Variants in WNK3 observed in about 807,000 individuals in gnomAD.
The protein encoded by WNK3 is WNK lysine deficient protein kinase 3, also known as serine/threonine-protein kinase WNK3.
In WNK3, 18 loss-of-function variants were observed where a neutral mutation model predicts 116.7. The ratio of observed to expected loss-of-function variants is 0.15; its 90% CI spans 0.11 to 0.23. The LOEUF is 0.23. Ranked by LOEUF, WNK3 falls within the 10% of genes least tolerant of loss-of-function variation. The pLI is 1.00. For synonymous variants in WNK3, 404 were observed against 469.4 expected, an observed-to-expected ratio of 0.86 and a Z score of 1.80; for missense variants, 993 against 1,323.8, an observed-to-expected ratio of 0.75 and a Z score of 3.88.
chrX:54,214,836 C>T (rs1005282540), intron 22 of WNK3, among the ~76,000 whole-genome samples: 1 of 111,047 alleles, frequency 9.0e-6, no homozygotes, highest in Non-Finnish European at 1.9e-5. Context: ...CACGGTGAGA[C>T]CCCTGTCTCT....
At chrX:54,226,850 AAAAC>A (rs1164509411) in intron 22 of WNK3, among the ~76,000 whole-genome samples, 2 of 111,891 alleles carry the variant, frequency 1.8e-5, no homozygotes, top group Non-Finnish European at 3.8e-5. Flanking sequence ...AAAACGAAAC[AAAAC>A]AAACAAACAA....
chrX:54,259,918 G>GTGAT (rs1479203998), intron 10 of WNK3, among the ~76,000 whole-genome samples: 2 of 112,082 alleles, frequency 1.8e-5, no homozygotes, highest in African/African-American at 6.5e-5. Flanking sequence ...ACTGCCACTA[G>GTGAT]TGATAGCAGA....
At chrX:54,212,033 T>G (rs2067621693) in intron 22 of WNK3, among the ~76,000 whole-genome samples, 1 of 111,199 alleles carries the variant, frequency 9.0e-6, no homozygotes, top group Admixed American at 9.6e-5. Context: ...GAGACCATCC[T>G]GGCTAACACA....
At chrX:54,222,915 A>AATAAATATATAT (rs1491230973) in intron 22 of WNK3, among the ~76,000 whole-genome samples, 1 of 81,040 alleles carries the variant, frequency 1.2e-5, no homozygotes, top group African/African-American at 5.8e-5. Context: ...TAATAATAAT[A>AATAAATATATAT]ATATATATAT....
At chrX:54,346,115 CACATATGTGTGTGTATATATATAT>C (rs1157428266) in intron 1 of WNK3, among the ~76,000 whole-genome samples, 6 of 18,185 alleles carry the variant, frequency 3.3e-4, no homozygotes, top group African/African-American at 1.3e-3. Flanking sequence ...TATACACACA[CACATATGTGTGTGTATATATATAT>C]ATATGTTGTG....
chrX:54,354,720 T>C (rs1411362405), intron 1 of WNK3, among the ~76,000 whole-genome samples: 2 of 111,538 alleles, frequency 1.8e-5, no homozygotes, highest in African/African-American at 6.5e-5. Context: ...TAAAAATCAG[T>C]TAAATATGCT....
chrX:54,275,433 G>A (rs1357005938), intron 10 of WNK3, among the ~76,000 whole-genome samples: 4 of 99,781 alleles, frequency 4.0e-5, no homozygotes, highest in African/African-American at 1.5e-4. Flanking sequence ...GTGTGTGTGT[G>A]TGTGTGTGTG....
In WNK3 at chrX:54,208,939, C is replaced by T. The variant is rs142695476; in HGVS notation, c.4871-6746G>A. 4.5e-3 allele frequency among the ~76,000 whole-genome samples: 498 copies of T among 111,641 alleles called. 3 individuals are homozygous for T. The highest frequency in any genetic ancestry group is 0.015 in the African/African-American group (467 of 30,742). ...TGTACACATTTCTACCCAGGAAAGCCCATTAGAGACTTAGTGACCATGGTT... is the reference window on the plus strand; with the variant it reads ...TGTACACATTTCTACCCAGGAAAGCTCATTAGAGACTTAGTGACCATGGTT... On this transcript the variant is annotated intron_variant, in intron 22 of 23. Transcript: ENST00000354646.
chrX:54,345,785 CAAAAA>C (rs372848363), intron 1 of WNK3, among the ~76,000 whole-genome samples: 2 of 40,460 alleles, frequency 4.9e-5, no homozygotes, highest in Admixed American at 3.3e-4. Flanking sequence ...GACTCAGTAT[CAAAAA>C]AAAAAAAAAA....
chrX:54,266,167 T>C (rs782552489), intron 10 of WNK3, among the ~76,000 whole-genome samples: 116 of 112,227 alleles, frequency 1.0e-3, no homozygotes, highest in African/African-American at 3.4e-3. Flanking sequence ...GAGGTCATTA[T>C]ATGAAGTGAA....
intron 22 of WNK3, among the ~76,000 whole-genome samples, chrX:54,206,675 T>A (rs1479802863): frequency 2.7e-5 from 3 of 112,117 alleles, no homozygotes; most frequent in Non-Finnish European, 5.6e-5. Flanking sequence ...ATGATTGCAG[T>A]GATCTAAATG....
At chrX:54,329,088 C>T (rs923601214) in intron 2 of WNK3, among the ~76,000 whole-genome samples, 4 of 111,997 alleles carry the variant, frequency 3.6e-5, no homozygotes, top group African/African-American at 1.3e-4. Context: ...TAAAGGAATG[C>T]CTACTGTGTT....
chrX:54,291,478 AT>A (rs2068640118), intron 10 of WNK3, among the ~76,000 whole-genome samples: 1 of 112,096 alleles, frequency 8.9e-6, no homozygotes, highest in Non-Finnish European at 1.9e-5. Flanking sequence ...TTTGGAACAC[AT>A]TTTAAAATAC....
chrX:54,242,477 A>T (rs966193305), intron 17 of WNK3, among the ~76,000 whole-genome samples: 1 of 112,360 alleles, frequency 8.9e-6, no homozygotes, highest in South Asian at 3.7e-4. Context: ...AAAAATATTT[A>T]AAAAGAACAA....
At chrX:54,200,379 G>A (rs1274404642) in intron 23 of WNK3, among the ~76,000 whole-genome samples, 1 of 111,221 alleles carries the variant, frequency 9.0e-6, no homozygotes, top group Non-Finnish European at 1.9e-5. Context: ...TACAATGTAA[G>A]AGCATTAGTG....
In WNK3 at chrX:54,304,540, C is replaced by CAA. The variant is rs782215941; in HGVS notation, c.1090-2683_1090-2682dup. Among the ~76,000 whole-genome samples the CAA allele has an allele frequency of 9.0e-5, 7 of 77,677 alleles. 1 individual carries two copies. Among genetic ancestry groups the CAA allele is most frequent in the African/African-American group, 2.8e-4 (6 of 21,116 alleles). 67.5% of individuals were successfully genotyped at this position (77,677 alleles called of 115,157 possible). ...TGGGTGACAGAGCAAACACTGTCTC[C>CAA]AAAAAAAAAAAAAAATCATATAATC... On this transcript the variant is annotated intron_variant, in intron 5 of 23. Transcript: ENST00000354646.
intron 2 of WNK3, among the ~76,000 whole-genome samples, chrX:54,321,554 A>T (rs1557172252): frequency 1.8e-5 from 2 of 111,813 alleles, no homozygotes; most frequent in Non-Finnish European, 3.8e-5. Flanking sequence ...GGATAACGAT[A>T]ATTTGTAAAA....
chrX:54,347,402 C>T (rs1400660890), intron 1 of WNK3, among the ~76,000 whole-genome samples: 1 of 111,666 alleles, frequency 9.0e-6, no homozygotes, highest in Admixed American at 9.7e-5. Context: ...AGGAGAATCA[C>T]TTGAACCCCG....
intron 6 of WNK3, 122 bp downstream of exon 6, chrX:54,301,649 T>C (rs965690680): frequency 3.5e-5 from 18 of 514,871 alleles, no homozygotes; most frequent in Admixed American, 1.4e-4. Flanking sequence ...CAATCTAGAG[T>C]ATGGTTTGGC....
Sources: allele counts gnomAD v4.1 joint callset (sites outside exome capture counted in the v4.1 genomes callset), GRCh38; gene constraint gnomAD v4.1.1; transcripts MANE v1.5; gene names NCBI Gene and HGNC (gene_info 2026-07-23, HGNC 2026-07-21).